The following ADGRV1 variants were observed in gnomAD, a reference collection of about 807,000 sequenced individuals.
ADGRV1 encodes the protein adhesion G protein-coupled receptor V1.
In ADGRV1, 359 loss-of-function variants were observed where a neutral mutation model predicts 596.2. The observed-to-expected ratio is 0.60, with a 90% CI of 0.55 to 0.66. The LOEUF (loss-of-function observed/expected upper bound fraction) is 0.66. Among genes scored for constraint, ADGRV1 ranks in the 30% least tolerant of loss-of-function variants. ADGRV1 has a pLI of 0.00. For missense variants in ADGRV1, 7,274 were observed against 7,575.6 expected (o/e 0.96, Z 1.48); for synonymous variants, 2,681 against 2,679.2 (o/e 1.00, Z -0.02).
chr5:90,719,693 T>C (rs1405004379), intron 43 of ADGRV1, among the ~76,000 whole-genome samples: 3 of 152,228 alleles, frequency 2.0e-5, no homozygotes, highest in Non-Finnish European at 4.4e-5. Context: ...CTACAAATGT[T>C]TTTTTAACAG....
intron 83 of ADGRV1, among the ~76,000 whole-genome samples, chr5:90,875,202 A>C (rs1769114737): frequency 6.6e-6 from 1 of 152,200 alleles, no homozygotes; most frequent in Admixed American, 6.5e-5. Context: ...TTAAAGCCAG[A>C]ATTTTAAAGA....
chr5:90,781,293 G>A, intron 64 of ADGRV1, 137 bp from the exon 65 acceptor site: 1 of 719,554 alleles, frequency 1.4e-6, no homozygotes, highest in East Asian at 2.7e-5. Flanking sequence ...TTAGCGTTGA[G>A]GATCTTTAAA....
At chr5:90,994,067 T>C (rs1192503209) in intron 85 of ADGRV1, among the ~76,000 whole-genome samples, 1 of 151,794 alleles carries the variant, frequency 6.6e-6, no homozygotes, top group African/African-American at 2.4e-5. Context: ...TTTCTTTTTT[T>C]TTTTTTGGAG....
At chr5:90,773,966 G>T (rs1418004804) in intron 59 of ADGRV1, among the ~76,000 whole-genome samples, 1 of 152,116 alleles carries the variant, frequency 6.6e-6, no homozygotes, top group African/African-American at 2.4e-5. Flanking sequence ...TTTAGGGGTT[G>T]TATTCTTTTC....
Position 90,752,010 on chromosome 5 carries a change from A to G in ADGRV1, c.11121+1313A>G, listed in dbSNP as rs151101327. Among the ~76,000 whole-genome samples, 435 of 152,312 alleles carry G rather than the reference A, an allele frequency of 2.9e-3. 1 individual carries two copies. The highest frequency in any genetic ancestry group is 5.6e-3 in the Admixed American group (86 of 15,294). The stretch of plus-strand genomic sequence containing the variant: ...CATAGACTATAGTTTGGAAGAATTA[A>G]TTATTTCATTCAGGGAGCTAGTATA... On this transcript the variant is annotated intron_variant, in intron 53 of 89. Coordinates refer to ENST00000405460, the MANE Select transcript of ADGRV1 (RefSeq NM_032119.4).
intron 7 of ADGRV1, 141 bp downstream of exon 7, chr5:90,627,917 GACACACACACACACAC>G (rs3041948): frequency 2.3e-4 from 52 of 230,406 alleles, no homozygotes; most frequent in South Asian, 1.2e-3. Flanking sequence ...ACTCAGAAAA[GACACACACACACACAC>G]ACACACACAC....
intron 70 of ADGRV1, among the ~76,000 whole-genome samples, chr5:90,794,662 A>G (rs750857878): frequency 6.6e-6 from 1 of 152,192 alleles, no homozygotes; most frequent in Non-Finnish European, 1.5e-5. Context: ...GCCCAATGCC[A>G]TCAAGAACAA....
intron 1 of ADGRV1, among the ~76,000 whole-genome samples, chr5:90,585,710 T>C (rs966130927): frequency 6.6e-6 from 1 of 152,180 alleles, no homozygotes; most frequent in African/African-American, 2.4e-5. Flanking sequence ...TCTAGATTAG[T>C]CAGCTGAAAG....
chr5:91,074,110 GT>G (rs1490756014), intron 86 of ADGRV1, among the ~76,000 whole-genome samples: 1 of 152,088 alleles, frequency 6.6e-6, no homozygotes, highest in Non-Finnish European at 1.5e-5. Flanking sequence ...AGCTATGCTT[GT>G]TTTTTCAGTT....
chr5:90,594,384 C>G (rs1292456032), intron 1 of ADGRV1, among the ~76,000 whole-genome samples: 1 of 151,928 alleles, frequency 6.6e-6, no homozygotes, highest in Non-Finnish European at 1.5e-5. Flanking sequence ...TTTGCTGCTT[C>G]TTCTGCCATA....
intron 78 of ADGRV1, among the ~76,000 whole-genome samples, chr5:90,844,773 G>C (rs1466261893): frequency 6.6e-6 from 1 of 152,052 alleles, no homozygotes; most frequent in Non-Finnish European, 1.5e-5. Context: ...TACCTCCAAA[G>C]GCCTCCGTCT....
chr5:90,878,386 G>A (rs1273648209), intron 83 of ADGRV1, among the ~76,000 whole-genome samples: 2 of 152,198 alleles, frequency 1.3e-5, no homozygotes, highest in Non-Finnish European at 2.9e-5. Context: ...GTCAGTGGTG[G>A]CCATGAGAGA....
intron 37 of ADGRV1, 106 bp downstream of exon 37, chr5:90,705,685 T>C: frequency 1.2e-6 from 1 of 815,420 alleles, no homozygotes; most frequent in Non-Finnish European, 1.9e-6. Context: ...CAGGAGAAAA[T>C]TAATATTTCT....
chr5:91,000,709 T>TGTGTGTGTGTGTGTGTG (rs1581753755), intron 85 of ADGRV1, among the ~76,000 whole-genome samples: 7 of 147,716 alleles, frequency 4.7e-5, no homozygotes, highest in East Asian at 4.0e-4. Flanking sequence ...TGTGTGTGTG[T>TGTGTGTGTGTGTGTGTG]TTATAGACAT....
chr5:90,868,615 T>TC (rs1340286350), intron 83 of ADGRV1, among the ~76,000 whole-genome samples: 1 of 150,034 alleles, frequency 6.7e-6, no homozygotes, highest in Non-Finnish European at 1.5e-5. Flanking sequence ...GTAGGTGCCC[T>TC]CCCCCCGCTA....
At chr5:90,672,122 A>G (rs934317156) in intron 21 of ADGRV1, among the ~76,000 whole-genome samples, 3 of 150,480 alleles carry the variant, frequency 2.0e-5, no homozygotes, top group Admixed American at 6.6e-5. Context: ...CTCTACCCCA[A>G]CCCCCACCCC....
intron 1 of ADGRV1, among the ~76,000 whole-genome samples, chr5:90,578,087 G>A (rs6452895): frequency 0.089 from 13,589 of 152,068 alleles, 1,907 homozygotes; most frequent in African/African-American, 0.31. Context: ...CTCTTTTCCT[G>A]ATTGAATACC....
chr5:90,858,673 A>C (rs1422448974), intron 82 of ADGRV1, among the ~76,000 whole-genome samples: 1 of 152,144 alleles, frequency 6.6e-6, no homozygotes, highest in Non-Finnish European at 1.5e-5. Context: ...TTTGGGATGA[A>C]TTTGGCTACA....
Position 90,683,645 on chromosome 5 carries a change from T to C in ADGRV1, c.5724T>C (p.Asp1908=). Residue 1908 remains aspartate, a synonymous_variant, in exon 28 of 90, where the codon GAT becomes GAC. Transcript: ENST00000405460. ...CTTTGCATTGGAACATAGACTCTGATCCTGATGGTGATCTCGCCTTCACCT... is the reference window on the plus strand; with the variant it reads ...CTTTGCATTGGAACATAGACTCTGACCCTGATGGTGATCTCGCCTTCACCT... The part of the protein sequence containing the change: ...PVTLHWNIDS[D]PDGDLAFTSG... 3.7e-6 allele frequency: 6 copies of C among 1,613,124 alleles called. No individual in the cohort carries two copies. Among genetic ancestry groups the C allele is most frequent in the Non-Finnish European group, 5.1e-6 (6 of 1,179,238 alleles).
Sources: gnomAD v4.1 joint callset for allele counts (sites outside exome capture counted in the v4.1 genomes callset) on GRCh38, gnomAD v4.1.1 for gene constraint, MANE v1.5 for transcripts, NCBI Gene and HGNC (gene_info 2026-07-23, HGNC 2026-07-21) for gene names.